ASXL2: variants seen among roughly 807,000 people sequenced by gnomAD.
ASXL2 encodes ASXL transcriptional regulator 2.
Under a neutral mutation model 122.0 loss-of-function variants are expected in ASXL2, and 23 were observed. The observed-to-expected ratio is 0.19, with a 90% CI of 0.14 to 0.27. ASXL2 has a LOEUF of 0.27. Among genes scored for constraint, ASXL2 ranks in the 10% least tolerant of loss-of-function variants. The probability of loss-of-function intolerance (pLI) is 1.00; values close to 1 mark genes in which losing one functional copy is unlikely to be tolerated. For missense variants in ASXL2, 1,518 were observed against 1,713.8 expected (o/e 0.89, Z 2.02); for synonymous variants, 650 against 637.0 (o/e 1.02, Z -0.31).
At chr2:25,791,242 C>A (rs550839374) in intron 5 of ASXL2, among the ~76,000 whole-genome samples, 3 of 151,948 alleles carry the variant, frequency 2.0e-5, no homozygotes, top group African/African-American at 7.2e-5. Flanking sequence ...TAATCCCAGC[C>A]CTTTGGGAGC....
At chr2:25,868,896 G>A (rs1425100894) in intron 1 of ASXL2, among the ~76,000 whole-genome samples, 1 of 152,092 alleles carries the variant, frequency 6.6e-6, no homozygotes, top group Non-Finnish European at 1.5e-5. Context: ...CAGGTGCAGT[G>A]GCTCACGTCT....
chr2:25,860,128 A>G (rs2089826391), intron 1 of ASXL2, among the ~76,000 whole-genome samples: 1 of 151,774 alleles, frequency 6.6e-6, no homozygotes, highest in South Asian at 2.1e-4. Context: ...ACTGACCAAC[A>G]TGGAGAAACC....
chr2:25,843,264 T>A (rs991141227), intron 2 of ASXL2, among the ~76,000 whole-genome samples: 1 of 144,816 alleles, frequency 6.9e-6, no homozygotes, highest in Non-Finnish European at 1.5e-5. Flanking sequence ...ATGGAACCGC[T>A]GCACTCCAGC....
intron 3 of ASXL2, chr2:25,810,800 A>T (rs1217772756): frequency 5.9e-6 from 3 of 510,068 alleles, no homozygotes; most frequent in Non-Finnish European, 1.1e-5. Context: ...AAGAAGCTGA[A>T]AAAGTCCTAA....
Position 25,744,544 on chromosome 2 carries a change from T to C in ASXL2, c.1861-68A>G. 6.7e-7 allele frequency: 1 copy of C among 1,486,810 alleles called. No individual in the cohort carries two copies. The highest frequency in any genetic ancestry group is 9.0e-7 in the Non-Finnish European group (1 of 1,115,892). The allele number at this position is 1,486,810 out of a possible 1,614,324, so 92.1% of individuals were successfully genotyped here. On this transcript the variant is annotated intron_variant, in intron 12 of 12. Coordinates refer to ENST00000435504, the MANE Select transcript of ASXL2 (RefSeq NM_018263.6). This position sits in a 1 kb window ranked among gnomAD's most constrained non-coding sequence, Gnocchi z 4.7. ...CATTTGTAAGAATAACAAAACTTCA[T>C]TAGCCCTCACATTTTAAAAACAGAT...
intron 6 of ASXL2, among the ~76,000 whole-genome samples, chr2:25,769,963 A>G (rs10202756): frequency 0.28 from 42,400 of 152,186 alleles, 6,225 homozygotes; most frequent in African/African-American, 0.33. Flanking sequence ...ACCTACATTT[A>G]TAATAGGTGA....
At chr2:25,866,288 GC>G (rs1307666863) in intron 1 of ASXL2, among the ~76,000 whole-genome samples, 3 of 151,898 alleles carry the variant, frequency 2.0e-5, no homozygotes, top group Admixed American at 6.6e-5. Context: ...ATGCCACCAC[GC>G]CCAGCTAAGT....
chr2:25,775,094 A>G (rs767917942), intron 5 of ASXL2, among the ~76,000 whole-genome samples: 9 of 151,968 alleles, frequency 5.9e-5, no homozygotes, highest in Non-Finnish European at 1.0e-4. Context: ...GTCTTCTGAT[A>G]TGGTTTGGCT....
chr2:25,761,315 A>T (rs1484025990), intron 8 of ASXL2, among the ~76,000 whole-genome samples: 2 of 152,184 alleles, frequency 1.3e-5, no homozygotes, highest in Admixed American at 1.3e-4. Flanking sequence ...GCATAGTAAG[A>T]GTGTTTATCA....
At chr2:25,799,304 A>G (rs1312674504) in intron 5 of ASXL2, 81 bp downstream of exon 5, 3 of 1,586,914 alleles carry the variant, frequency 1.9e-6, no homozygotes, top group Admixed American at 3.4e-5. Context: ...ACTGACCTGG[A>G]GTCTGGGAAA....
chr2:25,814,063 T>TA lies in ASXL2; in HGVS notation c.144-7727dup, dbSNP rs975627269. On this transcript the variant is annotated intron_variant, in intron 3 of 12. Coordinates refer to ENST00000435504, the MANE Select transcript of ASXL2 (RefSeq NM_018263.6). ...AGACTCCGTCTCAAAAAATAAAAAA[T>TA]AAAAAAAAAAGAATAACTACAAACT... 3.5e-4 allele frequency among the ~76,000 whole-genome samples: 51 copies of TA among 146,382 alleles called. No individual in the cohort carries two copies. The Middle Eastern group carries it at 0.014, about 41-fold the overall frequency.
chr2:25,772,567 A>G (rs1351877227), intron 5 of ASXL2, among the ~76,000 whole-genome samples: 2 of 151,970 alleles, frequency 1.3e-5, no homozygotes, highest in African/African-American at 4.8e-5. Context: ...CCCTATCTCT[A>G]CTAAAAATAC....
rs35643588 is a variant in ASXL2, at chr2:25,839,642, G to A, written c.141-4102C>T. On this transcript the variant is annotated intron_variant, in intron 2 of 12. Transcript: ENST00000435504. ...TTTTTTTTTTTTTTTTTTTTTAAGA[G>A]GCAGGGTCTTGCTTTGTTGCCCAGG... 1.1e-3 allele frequency among the ~76,000 whole-genome samples: 138 copies of A among 130,416 alleles called. 1 individual carries two copies. The highest frequency in any genetic ancestry group is 8.8e-3 in the South Asian group (36 of 4,098). The allele number at this position is 130,416 out of a possible 152,430, so 85.6% of individuals were successfully genotyped here. A position where few individuals can be genotyped will look rare whatever the true frequency, so the allele number is the denominator to read the frequency against.
intron 5 of ASXL2, among the ~76,000 whole-genome samples, chr2:25,774,160 T>C (rs1459552326): frequency 6.6e-6 from 1 of 152,046 alleles, no homozygotes; most frequent in Non-Finnish European, 1.5e-5. Context: ...TTAGGTACTA[T>C]GCTTATTTCC....
chr2:25,858,959 G>A (rs1395627091), intron 1 of ASXL2, among the ~76,000 whole-genome samples: 1 of 150,830 alleles, frequency 6.6e-6, no homozygotes, highest in Non-Finnish European at 1.5e-5. Flanking sequence ...GATTACAGGC[G>A]CCTGCCACCA....
At position 25,742,599 on chromosome 2, in the gene ASXL2, C is replaced by T. The variant is rs760898681; in HGVS notation, c.3738G>A (p.Glu1246=). 3 of 1,613,980 alleles carry T rather than the reference C, an allele frequency of 1.9e-6. No homozygotes were observed. Among genetic ancestry groups the T allele is most frequent in the Non-Finnish European group, 2.5e-6 (3 of 1,179,896 alleles). Residue 1246 remains glutamate (E), a synonymous_variant, in exon 13 of 13, where the codon GAG becomes GAA. Coordinates refer to ENST00000435504, the MANE Select transcript of ASXL2 (RefSeq NM_018263.6). ...PLNEQTTLSK[E]NYLFTRGQTF... The stretch of plus-strand genomic sequence containing the variant: ...TTTGGCCTCTAGTGAACAGGTAATT[C>T]TCCTTACTTAAAGTGGTTTGCTCAT...
At chr2:25,791,772 G>A (rs1167933996) in intron 5 of ASXL2, among the ~76,000 whole-genome samples, 1 of 152,158 alleles carries the variant, frequency 6.6e-6, no homozygotes, top group Non-Finnish European at 1.5e-5. Flanking sequence ...CCCAGGCAAA[G>A]TTAACTTAGT....
At chr2:25,790,136 A>G (rs73922464) in intron 5 of ASXL2, among the ~76,000 whole-genome samples, 277 of 152,298 alleles carry the variant, frequency 1.8e-3, no homozygotes, top group African/African-American at 6.4e-3. Context: ...AAATGTCCAC[A>G]GACTGGTCTG....
chr2:25,820,113 G>A (rs2089290939), intron 3 of ASXL2, among the ~76,000 whole-genome samples: 1 of 152,014 alleles, frequency 6.6e-6, no homozygotes, highest in Non-Finnish European at 1.5e-5. Flanking sequence ...AGACGGGCTC[G>A]CTTTGTTGCC....
Sources: gnomAD v4.1 joint callset for allele counts (sites outside exome capture counted in the v4.1 genomes callset) on GRCh38, gnomAD v4.1.1 for gene constraint, Gnocchi (gnomAD v3.1) non-coding constraint, MANE v1.5 for transcripts, NCBI Gene and HGNC (gene_info 2026-07-23, HGNC 2026-07-21) for gene names.